Variants in MSRA observed in about 807,000 individuals in gnomAD.
The protein encoded by MSRA is methionine sulfoxide reductase A.
Under a neutral mutation model 31.3 loss-of-function variants are expected in MSRA, and 54 were observed. The observed-to-expected ratio is 1.73, with a 90% confidence interval of 1.39 to 2.17. MSRA has a LOEUF of 2.17. Ranked by LOEUF, MSRA falls within the 30% of genes most tolerant of loss-of-function variation. The pLI, the probability that MSRA is intolerant of heterozygous loss-of-function variation, is 0.00. For missense variants in MSRA, 507 were observed against 300.9 expected (o/e 1.69, Z -5.07); for synonymous variants, 169 against 116.5 (o/e 1.45, Z -2.90).
chr8:10,136,897 A>G (rs2129028774), intron 1 of MSRA, among the ~76,000 whole-genome samples: 1 of 152,114 alleles, frequency 6.6e-6, no homozygotes, highest in South Asian at 2.1e-4. Context: ...CTCAGTGTCC[A>G]CCCTGCTGTC....
intron 1 of MSRA, among the ~76,000 whole-genome samples, chr8:10,083,147 C>A (rs553986281): frequency 7.9e-5 from 12 of 152,108 alleles, no homozygotes; most frequent in African/African-American, 2.9e-4. Flanking sequence ...ACATTTTTTT[C>A]TGTGTTAAAA....
chr8:10,116,743 G>A (rs911939660), intron 1 of MSRA, among the ~76,000 whole-genome samples: 11 of 152,086 alleles, frequency 7.2e-5, no homozygotes, highest in African/African-American at 2.2e-4. Context: ...TGAGGCAGGC[G>A]GATCACCTGA....
At chr8:10,227,358 A>G (rs544991427) in intron 2 of MSRA, among the ~76,000 whole-genome samples, 2 of 152,292 alleles carry the variant, frequency 1.3e-5, no homozygotes, top group African/African-American at 4.8e-5. Context: ...ATAGCTTTCA[A>G]GCTCTCATTA....
At chr8:10,423,648 C>T (rs530451173) in intron 5 of MSRA, among the ~76,000 whole-genome samples, 1 of 152,312 alleles carries the variant, frequency 6.6e-6, no homozygotes, top group African/African-American at 2.4e-5. Flanking sequence ...CCGTGGATGA[C>T]AGAGAGGCAT....
intron 2 of MSRA, among the ~76,000 whole-genome samples, chr8:10,238,788 G>A (rs1812161262): frequency 6.6e-6 from 1 of 151,944 alleles, no homozygotes; most frequent in Non-Finnish European, 1.5e-5. Flanking sequence ...CTAAAATTAA[G>A]CTTAAAATTT....
chr8:10,321,849 C>G (rs1802060936), intron 5 of MSRA, among the ~76,000 whole-genome samples: 1 of 152,150 alleles, frequency 6.6e-6, no homozygotes, highest in South Asian at 2.1e-4. Flanking sequence ...CCCTGCCTGA[C>G]AGTTTGATTA....
In MSRA at chr8:10,209,051, C is replaced by T. The variant is rs927021788; in HGVS notation, c.211+1150C>T. On this transcript the variant is annotated intron_variant, in intron 2 of 5. Transcript: ENST00000317173. The stretch of plus-strand genomic sequence containing the variant: ...CAGTTCCACCTCAGTGTTGGTAAAT[C>T]ATGCTCTGTGTAGGCTATCACCTTT... Among the ~76,000 whole-genome samples the T allele has an allele frequency of 1.3e-5, 2 of 152,324 alleles. 1 individual carries two copies. Among genetic ancestry groups the T allele is most frequent in the South Asian group, 4.2e-4 (2 of 4,818 alleles).
At chr8:10,352,457 G>A (rs951677327) in intron 5 of MSRA, among the ~76,000 whole-genome samples, 9 of 152,082 alleles carry the variant, frequency 5.9e-5, no homozygotes, top group Non-Finnish European at 1.3e-4. Context: ...GGCAGGGAGG[G>A]CAGAATGAAG....
At chr8:10,190,649 A>G (rs1585129948) in intron 1 of MSRA, among the ~76,000 whole-genome samples, 2 of 152,204 alleles carry the variant, frequency 1.3e-5, no homozygotes, top group Middle Eastern at 3.4e-3. Context: ...CGTAGTTACT[A>G]TTTTATTGTA....
chr8:10,205,668 A>G (rs892722425), intron 1 of MSRA, among the ~76,000 whole-genome samples: 1 of 152,248 alleles, frequency 6.6e-6, no homozygotes, highest in African/African-American at 2.4e-5. Flanking sequence ...CACCCTAGAC[A>G]AAAAGAAAAG....
intron 2 of MSRA, among the ~76,000 whole-genome samples, chr8:10,221,340 G>T (rs777315207): frequency 2.6e-5 from 4 of 151,846 alleles, no homozygotes; most frequent in Non-Finnish European, 4.4e-5. Context: ...AATCTACCTT[G>T]CAATGAAGAG....
At chr8:10,152,660 T>C (rs913263477) in intron 1 of MSRA, among the ~76,000 whole-genome samples, 1 of 152,174 alleles carries the variant, frequency 6.6e-6, no homozygotes, top group African/African-American at 2.4e-5. Context: ...AAAAATCATA[T>C]GAAGAAAGAG....
intron 5 of MSRA, among the ~76,000 whole-genome samples, chr8:10,334,799 C>A (rs1042211812): frequency 2.6e-5 from 4 of 152,236 alleles, no homozygotes; most frequent in African/African-American, 9.6e-5. Flanking sequence ...TTTGCACTTA[C>A]TTCAAAATGT....
chr8:10,199,516 C>T (rs1474102094), intron 1 of MSRA, among the ~76,000 whole-genome samples: 2 of 152,044 alleles, frequency 1.3e-5, no homozygotes. Flanking sequence ...GATGGCGTTT[C>T]ACCATGTTGG....
intron 5 of MSRA, among the ~76,000 whole-genome samples, chr8:10,396,409 A>T (rs575350635): frequency 6.6e-6 from 1 of 152,346 alleles, no homozygotes; most frequent in East Asian, 1.9e-4. Flanking sequence ...AAAAGTCTAT[A>T]TCATCAAAGG....
intron 1 of MSRA, among the ~76,000 whole-genome samples, chr8:10,115,987 C>T (rs148576077): frequency 0.021 from 3,166 of 152,314 alleles, 40 homozygotes; most frequent in African/African-American, 0.024. Flanking sequence ...CCACTTGATT[C>T]ACGCATGGTG....
At chr8:10,114,484 C>A (rs1193800516) in intron 1 of MSRA, among the ~76,000 whole-genome samples, 1 of 134,868 alleles carries the variant, frequency 7.4e-6, no homozygotes, top group Admixed American at 8.0e-5. Flanking sequence ...TTCTCTACAT[C>A]CTTGCCAACA....
chr8:10,092,549 T>G (rs543317432), intron 1 of MSRA, among the ~76,000 whole-genome samples: 24 of 152,234 alleles, frequency 1.6e-4, no homozygotes, highest in African/African-American at 5.8e-4. Flanking sequence ...TCCCAGCTAC[T>G]TGGGAGGCTG....
chr8:10,397,399 G>A (rs1045675835), intron 5 of MSRA, among the ~76,000 whole-genome samples: 30 of 152,322 alleles, frequency 2.0e-4, no homozygotes, highest in African/African-American at 6.7e-4. Context: ...CTGTTATCCT[G>A]CAGGGAGTTC....
Sources: allele counts gnomAD v4.1 joint callset (sites outside exome capture counted in the v4.1 genomes callset), GRCh38; gene constraint gnomAD v4.1.1; transcripts MANE v1.5; gene names NCBI Gene and HGNC (gene_info 2026-07-23, HGNC 2026-07-21).